Variants in GPATCH2 observed in about 807,000 individuals in gnomAD.
GPATCH2 encodes G-patch domain containing 2.
GPATCH2 carries 51 observed loss-of-function variants against 58.0 expected under a neutral mutation model. That is an observed-to-expected ratio of 0.88 (90% CI 0.70 to 1.11). GPATCH2 has a LOEUF of 1.11. GPATCH2 is among the 50% of genes most tolerant of loss of function. The pLI is 0.00. For missense variants in GPATCH2, 625 were observed against 652.2 expected, an observed-to-expected ratio of 0.96 and a Z score of 0.45; for synonymous variants, 222 against 218.5, an observed-to-expected ratio of 1.02 and a Z score of -0.14.
chr1:217,610,750 A>G (rs17723306), intron 4 of GPATCH2, 139 bp downstream of exon 4: 56,130 of 602,350 alleles, frequency 0.093, 2,871 homozygotes, highest in Middle Eastern at 0.14. Flanking sequence ...TGTAGTAGCT[A>G]TATTAGTGGC....
chr1:217,545,869 G>T (rs976337129), intron 5 of GPATCH2, among the ~76,000 whole-genome samples: 1 of 152,170 alleles, frequency 6.6e-6, no homozygotes, highest in Non-Finnish European at 1.5e-5. Context: ...CTGAGAAAAT[G>T]GATAACTGTT....
chr1:217,500,860 C>T (rs1458440446), intron 6 of GPATCH2, among the ~76,000 whole-genome samples: 1 of 151,924 alleles, frequency 6.6e-6, no homozygotes, highest in African/African-American at 2.4e-5. Flanking sequence ...TGTTTGCCTG[C>T]TAAGTGATTT....
intron 8 of GPATCH2, among the ~76,000 whole-genome samples, chr1:217,479,156 A>C (rs536770102): frequency 3.9e-5 from 6 of 152,176 alleles, no homozygotes; most frequent in Non-Finnish European, 7.4e-5. Flanking sequence ...CTGAAAGAAA[A>C]GGACATTAAT....
At chr1:217,555,744 T>C (rs1343988947) in intron 5 of GPATCH2, among the ~76,000 whole-genome samples, 2 of 152,138 alleles carry the variant, frequency 1.3e-5, no homozygotes, top group Non-Finnish European at 2.9e-5. Flanking sequence ...ATCAGCTCCA[T>C]AAGAAAGTAG....
rs1207913378 is a variant in GPATCH2 at position 217,580,925 on chromosome 1, GT to G, written c.1098+29395del. Among the ~76,000 whole-genome samples the G allele has an allele frequency of 1.1e-4, 8 of 71,354 alleles. 1 individual carries two copies. Among genetic ancestry groups the G allele is most frequent in the South Asian group, 1.0e-3 (2 of 1,980 alleles). 46.8% of individuals were successfully genotyped at this position (71,354 alleles called of 152,430 possible). On this transcript the variant is annotated intron_variant, in intron 5 of 9. Transcript: ENST00000366935. ...GGGGAGGCTGAGGCAGGAGAATGGC[GT>G]TGAACCCGGGAAGCGGAGCTTGCAG...
At chr1:217,484,601 A>T (rs1055820525) in intron 8 of GPATCH2, among the ~76,000 whole-genome samples, 1 of 148,452 alleles carries the variant, frequency 6.7e-6, no homozygotes. Flanking sequence ...ACGTGTGCAT[A>T]TATATGTATA....
chr1:217,545,076 A>C (rs866873836), intron 5 of GPATCH2, among the ~76,000 whole-genome samples: 36 of 152,158 alleles, frequency 2.4e-4, no homozygotes, highest in African/African-American at 8.7e-4. Flanking sequence ...GTCCTCCTTT[A>C]TTAAAACCAA....
In GPATCH2 at chr1:217,461,933, A is replaced by G. The variant is rs112293904; in HGVS notation, c.1278-12596T>C. 4.0e-3 allele frequency among the ~76,000 whole-genome samples: 609 copies of G among 152,280 alleles called. 4 individuals are homozygous for G. Among genetic ancestry groups the G allele is most frequent in the African/African-American group, 0.014 (581 of 41,572 alleles). On this transcript the variant is annotated intron_variant, in intron 8 of 9. Transcript: ENST00000366935. ...TAGCAAATATTTACTAGACTATAAA[A>G]CATACTGTAATAGCTAGGTGAGGTA...
chr1:217,610,013 C>T lies in GPATCH2; in HGVS notation c.1098+308G>A, dbSNP rs760365120. ...GACTAAAAGGAAGAATACCAGTCCT[C>T]CAGCAAAAACAGCCCCATCTTTTCA... On this transcript the variant is annotated intron_variant, in intron 5 of 9. Transcript: ENST00000366935. The T allele has an allele frequency of 9.5e-5, 135 of 1,414,182 alleles. No homozygotes were observed. In the Middle Eastern group the frequency reaches 1.7e-3, roughly 18 times the overall value. 87.6% of individuals were successfully genotyped at this position (1,414,182 alleles called of 1,614,324 possible). A position where few individuals can be genotyped will look rare whatever the true frequency, so the allele number is the denominator to read the frequency against.
At chr1:217,475,722 A>G (rs1660936659) in intron 8 of GPATCH2, among the ~76,000 whole-genome samples, 1 of 152,204 alleles carries the variant, frequency 6.6e-6, no homozygotes, top group Admixed American at 6.5e-5. Flanking sequence ...CTGAGGAAAA[A>G]AATTTTCAAA....
chr1:217,608,897 C>T (rs1668488987), intron 5 of GPATCH2: 1 of 981,860 alleles, frequency 1.0e-6, no homozygotes, highest in Admixed American at 6.2e-5. Context: ...CCAAATTAGA[C>T]AAGCAATCTA....
At chr1:217,504,037 C>G (rs1467910502) in intron 6 of GPATCH2, among the ~76,000 whole-genome samples, 2 of 152,126 alleles carry the variant, frequency 1.3e-5, no homozygotes, top group African/African-American at 4.8e-5. Context: ...CCAAAGCCCA[C>G]GTCCCTTCCA....
chr1:217,603,905 G>A (rs1362222757), intron 5 of GPATCH2, among the ~76,000 whole-genome samples: 1 of 152,084 alleles, frequency 6.6e-6, no homozygotes, highest in Non-Finnish European at 1.5e-5. Context: ...TTATAGGTGT[G>A]AGCCACCGTG....
At chr1:217,486,649 C>G (rs1473945899) in intron 8 of GPATCH2, among the ~76,000 whole-genome samples, 1 of 152,090 alleles carries the variant, frequency 6.6e-6, no homozygotes, top group Non-Finnish European at 1.5e-5. Flanking sequence ...AACGTCTTGT[C>G]TTAGCCTATG....
rs537218832 is a variant in GPATCH2, at chr1:217,629,137, G to T, written c.56+1779C>A. ...CCAGTGGGACTGGAATTTATTACTG[G>T]GATCAAACATACTTATATAGTAAAT... On this transcript the variant is annotated intron_variant, in intron 1 of 9. Transcript: ENST00000366935. 6.6e-4 allele frequency among the ~76,000 whole-genome samples: 101 copies of T among 151,982 alleles called. 1 individual carries two copies. In the South Asian group the frequency reaches 0.02, roughly 31 times the overall value.
chr1:217,568,168 T>C (rs1249734271), intron 5 of GPATCH2, among the ~76,000 whole-genome samples: 2 of 151,952 alleles, frequency 1.3e-5, no homozygotes, highest in East Asian at 1.9e-4. Context: ...TTTATAACAG[T>C]ATAAAAGTGA....
chr1:217,510,009 A>T (rs1662768501), intron 6 of GPATCH2, among the ~76,000 whole-genome samples: 1 of 152,206 alleles, frequency 6.6e-6, no homozygotes, highest in South Asian at 2.1e-4. Context: ...AATAGCTCTG[A>T]AACTGCCTCC....
At chr1:217,595,538 T>C (rs1192100829) in intron 5 of GPATCH2, among the ~76,000 whole-genome samples, 2 of 152,076 alleles carry the variant, frequency 1.3e-5, no homozygotes, top group African/African-American at 4.8e-5. Context: ...TCACTTTTGT[T>C]GCCCGGGCTG....
In GPATCH2 at chr1:217,569,752, C is replaced by T. The variant is rs573640828; in HGVS notation, c.1098+40569G>A. On this transcript the variant is annotated intron_variant, in intron 5 of 9. Transcript: ENST00000366935. ...GCCAAAGGTTAAAAGAATATGTACA[C>T]GATATGGAATGAAGCCAAGGATGAA... Among the ~76,000 whole-genome samples the T allele has an allele frequency of 1.3e-4, 20 of 152,012 alleles. No homozygotes were observed. In the South Asian group the frequency reaches 1.5e-3, roughly 11 times the overall value.
Sources: allele counts gnomAD v4.1 joint callset (sites outside exome capture counted in the v4.1 genomes callset), GRCh38; gene constraint gnomAD v4.1.1; transcripts MANE v1.5; gene names NCBI Gene and HGNC (gene_info 2026-07-23, HGNC 2026-07-21).